Variants in ERMP1 observed in about 807,000 individuals in gnomAD.
ERMP1 encodes the protein Felix-ina.
Under a neutral mutation model 92.0 loss-of-function variants are expected in ERMP1, and 86 were observed. The ratio of observed to expected loss-of-function variants is 0.93; its 90% CI spans 0.79 to 1.12. The LOEUF (loss-of-function observed/expected upper bound fraction) is 1.12. ERMP1 is among the 50% of genes most tolerant of loss of function. ERMP1 has a pLI of 0.00. For missense variants in ERMP1, 1,342 were observed against 1,116.3 expected (o/e 1.20, Z -2.88); for synonymous variants, 530 against 412.8 (o/e 1.28, Z -3.44).
intron 11 of ERMP1, among the ~76,000 whole-genome samples, chr9:5,799,290 C>G (rs1828575545): frequency 6.6e-6 from 1 of 152,132 alleles, no homozygotes; most frequent in Non-Finnish European, 1.5e-5. Context: ...AATGTTAGAG[C>G]TGCTTTTAGA....
intron 13 of ERMP1, among the ~76,000 whole-genome samples, chr9:5,787,853 T>C (rs1279392738): frequency 1.3e-5 from 2 of 152,168 alleles, no homozygotes; most frequent in African/African-American, 4.8e-5. Context: ...CTGCATGACA[T>C]CAGGAATTTA....
intron 10 of ERMP1, 106 bp from the exon 11 acceptor site, chr9:5,801,434 A>G: frequency 9.2e-7 from 1 of 1,083,926 alleles, no homozygotes; most frequent in East Asian, 2.6e-5. Context: ...CAGCCCCTGA[A>G]GAAAATTTAT....
intron 13 of ERMP1, among the ~76,000 whole-genome samples, chr9:5,792,588 C>A (rs939348412): frequency 6.6e-6 from 1 of 152,048 alleles, no homozygotes; most frequent in Non-Finnish European, 1.5e-5. Flanking sequence ...AAGACTTAAA[C>A]TTTAGGGCAA....
chr9:5,821,983 G>A (rs1022246573), intron 4 of ERMP1, among the ~76,000 whole-genome samples: 1 of 152,196 alleles, frequency 6.6e-6, no homozygotes, highest in Non-Finnish European at 1.5e-5. Flanking sequence ...GCCGGGCGTG[G>A]TGGCTCGTGC....
upstream of ERMP1, among the ~76,000 whole-genome samples, chr9:5,836,582 G>A (rs1459989108): frequency 6.6e-6 from 1 of 152,224 alleles, no homozygotes; most frequent in Non-Finnish European, 1.5e-5. Flanking sequence ...GTATGAGAGT[G>A]AACCAGCTTT....
At chr9:5,841,496 G>C (rs1830162965) in intron 6 of ERMP1, among the ~76,000 whole-genome samples, 1 of 152,182 alleles carries the variant, frequency 6.6e-6, no homozygotes, top group Non-Finnish European at 1.5e-5. Context: ...TTTCCTTTCT[G>C]GGTGAAGAAA....
At chr9:5,814,447 T>TA (rs1219357102) in intron 4 of ERMP1, among the ~76,000 whole-genome samples, 3 of 152,172 alleles carry the variant, frequency 2.0e-5, no homozygotes, top group Admixed American at 6.5e-5. Context: ...TCCTACATTT[T>TA]AAAAAATGAC....
In ERMP1 at chr9:5,810,191, G is replaced by C; in HGVS notation, c.1368C>G (p.Ile456Met). ...GGCTAGTGAACCAGCTGATCAAAGT[G>C]ATGCCAAGTCCACACAAGAAGTCCT... ...YKKDFLCGLG[I>M]TLISWFTSLV... The change falls in exon 8 of 15, where the codon ATC becomes ATG. Residue 456 changes from isoleucine (I) to methionine (M), a missense_variant. Transcript: ENST00000339450. The C allele has an allele frequency of 6.2e-7, 1 of 1,614,010 alleles. No homozygotes were observed.
At chr9:5,824,839 C>T (rs978127269) in intron 3 of ERMP1, among the ~76,000 whole-genome samples, 1 of 152,128 alleles carries the variant, frequency 6.6e-6, no homozygotes, top group Non-Finnish European at 1.5e-5. Flanking sequence ...GTAATTATGC[C>T]AGCGAGAGCC....
At chr9:5,835,034 TCA>T (rs1273149355), upstream of ERMP1, among the ~76,000 whole-genome samples, 1 of 143,180 alleles carries the variant, frequency 7.0e-6, no homozygotes, top group Admixed American at 7.1e-5. Context: ...TGAAAGATCC[TCA>T]CATAAGATTC....
intron 12 of ERMP1, 68 bp from the exon 13 acceptor site, chr9:5,798,000 C>G: frequency 1.0e-6 from 1 of 974,454 alleles, no homozygotes; most frequent in Non-Finnish European, 1.7e-6. Context: ...ACTCACAGAA[C>G]TGTTCAGCAT....
chr9:5,858,571 G>T (rs999921), intron 6 of ERMP1, among the ~76,000 whole-genome samples: 94,440 of 152,044 alleles, frequency 0.62, 29,592 homozygotes, highest in South Asian at 0.76. Context: ...CTGCCCTTAA[G>T]TGCCCAGGGA....
chr9:5,849,062 C>T (rs911133514), intron 6 of ERMP1, among the ~76,000 whole-genome samples: 27 of 152,090 alleles, frequency 1.8e-4, no homozygotes, highest in African/African-American at 4.8e-4. Context: ...CTTGCTCTGT[C>T]GCCAGGCTGG....
At position 5,787,500 on chromosome 9, in the gene ERMP1, C is replaced by G; in HGVS notation, c.2480G>C (p.Gly827Ala). The change falls in exon 14 of 15, where the codon GGA becomes GCA. Residue 827 changes from glycine to alanine, a missense_variant. Coordinates refer to ENST00000339450, the MANE Select transcript of ERMP1 (RefSeq NM_024896.3). The stretch of plus-strand genomic sequence containing the variant: ...GGAGTAAAAGACAAAGTAGTCTCCT[C>G]CTTTACTTGTGACTGGGGTGCCATT... ...LGNGTPVTSK[G>A]GDYFVFYSHG... 6.2e-7 allele frequency: 1 copy of G among 1,614,072 alleles called. No individual in the cohort carries two copies. Among genetic ancestry groups the G allele is most frequent in the Non-Finnish European group, 8.5e-7 (1 of 1,179,936 alleles).
upstream of ERMP1, among the ~76,000 whole-genome samples, chr9:5,835,404 A>C (rs1830081741): frequency 6.6e-6 from 1 of 152,212 alleles, no homozygotes; most frequent in Non-Finnish European, 1.5e-5. Flanking sequence ...AAGTGCCATA[A>C]AGAAAAATAA....
At chr9:5,817,967 A>C (rs1266711645) in intron 4 of ERMP1, among the ~76,000 whole-genome samples, 1 of 152,224 alleles carries the variant, frequency 6.6e-6, no homozygotes, top group Admixed American at 6.5e-5. Context: ...TGACCTTTAC[A>C]AGAATAGTCG....
At chr9:5,824,033 T>C (rs747161414) in intron 3 of ERMP1, 32 bp from the exon 4 acceptor site, 1 of 1,524,886 alleles carries the variant, frequency 6.6e-7, no homozygotes, top group South Asian at 1.1e-5. Context: ...CAAATATTTG[T>C]TAAACAATCT....
intron 13 of ERMP1, among the ~76,000 whole-genome samples, chr9:5,788,589 G>A (rs901849264): frequency 6.6e-6 from 1 of 151,958 alleles, no homozygotes; most frequent in African/African-American, 2.4e-5. Flanking sequence ...TACACTGACA[G>A]AAAAGGAAGC....
chr9:5,825,582 C>T (rs1829701331), intron 2 of ERMP1, among the ~76,000 whole-genome samples: 1 of 152,356 alleles, frequency 6.6e-6, no homozygotes, highest in Middle Eastern at 3.4e-3. Context: ...TCCACATCCT[C>T]TGTAATAGTC....
Sources: gnomAD v4.1 joint callset for allele counts (sites outside exome capture counted in the v4.1 genomes callset) on GRCh38, gnomAD v4.1.1 for gene constraint, MANE v1.5 for transcripts, NCBI Gene and HGNC (gene_info 2026-07-23, HGNC 2026-07-21) for gene names.